Variants in ELSPBP1 observed in about 807,000 individuals in gnomAD.
ELSPBP1 encodes epididymal sperm binding protein 1, also known as epididymal sperm-binding protein 1.
In ELSPBP1, 38 loss-of-function variants were observed where a neutral mutation model predicts 33.3. The ratio of observed to expected loss-of-function variants is 1.14; its 90% CI spans 0.88 to 1.50. ELSPBP1 has a LOEUF of 1.50. Ranked by LOEUF, ELSPBP1 falls within the 40% of genes most tolerant of loss-of-function variation. The pLI, the probability that ELSPBP1 is intolerant of heterozygous loss-of-function variation, is 0.00. For synonymous variants in ELSPBP1, 85 were observed against 94.1 expected, an observed-to-expected ratio of 0.90 and a Z score of 0.56; for missense variants, 267 against 263.5, an observed-to-expected ratio of 1.01 and a Z score of -0.09.
intron 5 of ELSPBP1, among the ~76,000 whole-genome samples, chr19:48,020,463 T>G (rs1967187286): frequency 1.3e-5 from 2 of 152,144 alleles, no homozygotes; most frequent in South Asian, 4.1e-4. Context: ...CCCCCTTGGG[T>G]GAGAACATGT....
chr19:48,008,678 G>T lies in ELSPBP1; in HGVS notation c.11G>T (p.Trp4Leu), dbSNP rs1233604330. 1.9e-6 allele frequency: 3 copies of T among 1,613,724 alleles called. No individual in the cohort carries two copies. Among genetic ancestry groups the T allele is most frequent in the South Asian group, 1.1e-5 (1 of 91,012 alleles). The change falls in exon 2 of 7, where the codon TGG becomes TTG. Residue 4 changes from tryptophan (W) to leucine (L), a missense_variant. By Grantham distance (61) the Trp-to-Leu change is moderately conservative (BLOSUM62 -2). Transcript: ENST00000339841. Reference sequence around the variant, plus strand: ...AAGAGGGCAGCCAAGATGACCCGATGGTCCAGTTACCTGTTGGGATGGACA... The same window carrying T: ...AAGAGGGCAGCCAAGATGACCCGATTGTCCAGTTACCTGTTGGGATGGACA... MTR[W>L]SSYLLGWTTF...
chr19:48,021,871 C>T (rs1007654890), intron 5 of ELSPBP1, among the ~76,000 whole-genome samples: 8 of 152,052 alleles, frequency 5.3e-5, no homozygotes, highest in Admixed American at 3.9e-4. Flanking sequence ...CTCAACCTCC[C>T]GAGTAGCTGG....
intron 6 of ELSPBP1, among the ~76,000 whole-genome samples, chr19:48,024,309 C>T (rs1252945799): frequency 6.6e-6 from 1 of 152,094 alleles, no homozygotes; most frequent in Admixed American, 6.6e-5. Flanking sequence ...TGTTCTCCAG[C>T]CTGTAGAAAT....
At chr19:48,010,886 C>G (rs1308568343) in intron 2 of ELSPBP1, among the ~76,000 whole-genome samples, 1 of 152,176 alleles carries the variant, frequency 6.6e-6, no homozygotes, top group African/African-American at 2.4e-5. Flanking sequence ...CTGATTCTTA[C>G]TAACGACTCC....
intron 1 of ELSPBP1, among the ~76,000 whole-genome samples, chr19:48,006,090 A>G (rs1460707473): frequency 6.6e-6 from 1 of 152,056 alleles, no homozygotes; most frequent in Non-Finnish European, 1.5e-5. Context: ...CTTCCTGAGT[A>G]GCTGGGACTA....
At chr19:48,006,140 T>C (rs1840054692) in intron 1 of ELSPBP1, among the ~76,000 whole-genome samples, 2 of 152,046 alleles carry the variant, frequency 1.3e-5, no homozygotes, top group Non-Finnish European at 2.9e-5. Context: ...TTTTTATTTT[T>C]GTAGAGATGA....
intron 1 of ELSPBP1, among the ~76,000 whole-genome samples, chr19:48,000,135 C>T (rs1966952784): frequency 6.6e-6 from 1 of 151,100 alleles, no homozygotes; most frequent in Admixed American, 6.6e-5. Context: ...CTATGTTTAC[C>T]ATGATTATTT....
chr19:48,019,908 G>T, intron 5 of ELSPBP1, 31 bp downstream of exon 5: 1 of 1,597,458 alleles, frequency 6.3e-7, no homozygotes, highest in South Asian at 1.1e-5. Flanking sequence ...GGGTGGGTGT[G>T]GGTGGAGTCT....
chr19:48,002,653 G>A (rs897544021), intron 1 of ELSPBP1, among the ~76,000 whole-genome samples: 2 of 152,172 alleles, frequency 1.3e-5, no homozygotes, highest in African/African-American at 2.4e-5. Flanking sequence ...ATAGCTGAGC[G>A]TGATGGCTCG....
chr19:48,015,719 T>C (rs1967124433), intron 3 of ELSPBP1, among the ~76,000 whole-genome samples, 174 bp from the exon 4 acceptor site: 1 of 152,166 alleles, frequency 6.6e-6, no homozygotes, highest in Non-Finnish European at 1.5e-5. Flanking sequence ...CAAACTTGTG[T>C]TGTTCAAGAA....
At chr19:48,015,690 A>G (rs1967124001) in intron 3 of ELSPBP1, among the ~76,000 whole-genome samples, 2 of 152,166 alleles carry the variant, frequency 1.3e-5, no homozygotes. Context: ...AGAAACTCAC[A>G]TATAAGTGGA....
intron 5 of ELSPBP1, among the ~76,000 whole-genome samples, chr19:48,020,378 C>T (rs1017523829): frequency 2.6e-5 from 4 of 152,080 alleles, no homozygotes; most frequent in Non-Finnish European, 5.9e-5. Flanking sequence ...ATTTGGAAAA[C>T]ATAATACTAT....
At chr19:48,003,744 C>G (rs1342489291) in intron 1 of ELSPBP1, among the ~76,000 whole-genome samples, 1 of 149,492 alleles carries the variant, frequency 6.7e-6, no homozygotes, top group Non-Finnish European at 1.5e-5. Flanking sequence ...TGGAGTTTCA[C>G]CATGTTGGCC....
intron 5 of ELSPBP1, among the ~76,000 whole-genome samples, chr19:48,021,145 C>T (rs187237303): frequency 7.6e-4 from 115 of 152,290 alleles, no homozygotes; most frequent in African/African-American, 2.5e-3. Context: ...TGTGCCTACT[C>T]GCTAAACTTT....
At chr19:48,015,789 C>A in intron 3 of ELSPBP1, 104 bp from the exon 4 acceptor site, 4 of 1,096,416 alleles carry the variant, frequency 3.6e-6, no homozygotes, top group South Asian at 1.9e-5. Flanking sequence ...CTCTTCTGAA[C>A]CTTATGTCTG....
chr19:48,024,264 G>A (rs1279674214), intron 6 of ELSPBP1, among the ~76,000 whole-genome samples: 1 of 151,880 alleles, frequency 6.6e-6, no homozygotes, highest in African/African-American at 2.4e-5. Flanking sequence ...TGGTGCAGAG[G>A]GTATTTCTAA....
At chr19:48,007,984 C>T (rs1967038929) in intron 1 of ELSPBP1, among the ~76,000 whole-genome samples, 1 of 152,122 alleles carries the variant, frequency 6.6e-6, no homozygotes, top group Non-Finnish European at 1.5e-5. Context: ...TTCCTAAGGA[C>T]AGTACATGAC....
At chr19:48,016,558 TC>T (rs758401553) in intron 4 of ELSPBP1, among the ~76,000 whole-genome samples, 7,753 of 102,468 alleles carry the variant, frequency 0.076, 378 homozygotes, top group African/African-American at 0.1. Flanking sequence ...CTTCCTTCCT[TC>T]CTTCCTTCCT....
intron 4 of ELSPBP1, among the ~76,000 whole-genome samples, chr19:48,016,456 TTTTCTTTCCTTCTTTCTTTCTTTC>T (rs1384611720): frequency 0.048 from 4,792 of 99,612 alleles, 258 homozygotes; most frequent in African/African-American, 0.08. Context: ...TTTCTCTTTC[TTTTCTTTCCTTCTTTCTTTCTTTC>T]TTTCTTTCTT....
Sources: allele counts gnomAD v4.1 joint callset (sites outside exome capture counted in the v4.1 genomes callset), GRCh38; gene constraint gnomAD v4.1.1; transcripts MANE v1.5; gene names NCBI Gene and HGNC (gene_info 2026-07-23, HGNC 2026-07-21).